PLAGL1: variants seen among roughly 807,000 people sequenced by gnomAD.
PLAGL1 encodes the protein zinc finger protein PLAGL1.
A neutral mutation model predicts 4.6 loss-of-function variants in PLAGL1; 1 was observed. That is an observed-to-expected ratio of 0.22 (90% CI 0.08 to 1.03). The LOEUF (loss-of-function observed/expected upper bound fraction) is 1.03, where lower values mean the gene tolerates loss of function less well. Ranked by LOEUF, PLAGL1 falls within the 50% of genes least tolerant of loss-of-function variation. The pLI is 0.58. For synonymous variants in PLAGL1, 240 were observed against 237.8 expected, an observed-to-expected ratio of 1.01 and a Z score of -0.08; for missense variants, 464 against 570.4, an observed-to-expected ratio of 0.81 and a Z score of 1.90.
At position 143,961,006 on chromosome 6, in the gene PLAGL1, A is replaced by C. The variant is rs1342917851; in HGVS notation, c.-398-464T>G. 1.3e-5 allele frequency: 2 copies of C among 152,252 alleles called. No individual in the cohort carries two copies. The highest frequency in any genetic ancestry group is 2.9e-5 in the Non-Finnish European group (2 of 68,044). 9.4% of individuals were successfully genotyped at this position (152,252 alleles called of 1,614,324 possible). On this transcript the variant is annotated intron_variant, in intron 5 of 7. Transcript: ENST00000674357. This position sits in a 1 kb window ranked among gnomAD's most constrained non-coding sequence, Gnocchi z 6.5. ...CAAAGATTTATCAAATTTGCAGTGC[A>C]AGAAGGTTGAAGTCTCTAAGTTGAA...
rs954676421 is a variant in PLAGL1 at position 143,957,862 on chromosome 6, C to T, written c.-325+2607G>A. 1.6e-4 allele frequency among the ~76,000 whole-genome samples: 25 copies of T among 152,194 alleles called. No homozygotes were observed. Among genetic ancestry groups the T allele is most frequent in the African/African-American group, 6.0e-4 (25 of 41,454 alleles). On this transcript the variant is annotated intron_variant, in intron 6 of 7. Transcript: ENST00000674357. This position sits in a 1 kb window ranked among gnomAD's most constrained non-coding sequence, Gnocchi z 4.2. Reference sequence around the variant, plus strand: ...AGATAACTACATGGGAGCAGGGTATCTTGACACTGGATTTATAGATGACCT... The same window carrying T: ...AGATAACTACATGGGAGCAGGGTATTTTGACACTGGATTTATAGATGACCT...
At chr6:143,976,957 C>T (rs1416582080) in intron 2 of PLAGL1, among the ~76,000 whole-genome samples, 4 of 152,148 alleles carry the variant, frequency 2.6e-5, no homozygotes, top group Non-Finnish European at 5.9e-5. Flanking sequence ...AATATGGTTT[C>T]ATTTTCATTC....
At position 143,995,011 on chromosome 6, in the gene PLAGL1, G is replaced by C. The variant is rs1226334269; in HGVS notation, c.-583-9837C>G. On this transcript the variant is annotated intron_variant, in intron 1 of 7. Coordinates refer to ENST00000674357, the MANE Select transcript of PLAGL1 (RefSeq NM_001317162.2). This position sits in a 1 kb window ranked among gnomAD's most constrained non-coding sequence, Gnocchi z 4.4. ...CAATAAGATAGAACCATCACAAAGA[G>C]CAGGCACCCTGTGCTCAGAATCCAA... Among the ~76,000 whole-genome samples, 1 of 152,098 alleles carries C rather than the reference G, an allele frequency of 6.6e-6. No homozygotes were observed. Among genetic ancestry groups the C allele is most frequent in the Non-Finnish European group, 1.5e-5 (1 of 67,964 alleles).
chr6:143,949,871 G>A lies in PLAGL1; in HGVS notation c.-324-1411C>T, dbSNP rs973971231. On this transcript the variant is annotated intron_variant, in intron 6 of 7. Coordinates refer to ENST00000674357, the MANE Select transcript of PLAGL1 (RefSeq NM_001317162.2). The surrounding 1 kb of genome is among the most constrained non-coding windows in gnomAD (Gnocchi z 5.3). ...AAGTTAATTTTTACTTACCTTTTTG[G>A]TTACTTTCAGATCAGAAAGTATGAG... 3.3e-5 allele frequency among the ~76,000 whole-genome samples: 5 copies of A among 151,966 alleles called. No homozygotes were observed. Among genetic ancestry groups the A allele is most frequent in the African/African-American group, 1.2e-4 (5 of 41,362 alleles).
rs1357969592 is a variant in PLAGL1 at position 143,990,946 on chromosome 6, C to A, written c.-583-5772G>T. On this transcript the variant is annotated intron_variant, in intron 1 of 7. Coordinates refer to ENST00000674357, the MANE Select transcript of PLAGL1 (RefSeq NM_001317162.2). This position sits in a 1 kb window ranked among gnomAD's most constrained non-coding sequence, Gnocchi z 5.4. Reference sequence around the variant, plus strand: ...CTTGGTGTCAATTATTTAATTGTTCCAACCACATGAGAATAGGTGGCTTTA... The same window carrying A: ...CTTGGTGTCAATTATTTAATTGTTCAAACCACATGAGAATAGGTGGCTTTA... Among the ~76,000 whole-genome samples, 1 of 152,180 alleles carries A rather than the reference C, an allele frequency of 6.6e-6. No individual in the cohort carries two copies. The highest frequency in any genetic ancestry group is 1.5e-5 in the Non-Finnish European group (1 of 68,032).
At position 144,039,369 on chromosome 6, in the gene PLAGL1, G is replaced by T. The variant is rs1797539189; in HGVS notation, c.-151+25099C>A. On this transcript the variant is annotated intron_variant, in intron 1 of 3. Coordinates refer to the PLAGL1 transcript ENST00000437412. This position sits in a 1 kb window ranked among gnomAD's most constrained non-coding sequence, Gnocchi z 4.1. ...GGAGGCAGAAGTGGGTGGATCATTAGAGGCCCAAAGTTTGAAACCAGTCTG... is the reference window on the plus strand; with the variant it reads ...GGAGGCAGAAGTGGGTGGATCATTATAGGCCCAAAGTTTGAAACCAGTCTG... 6.6e-6 allele frequency among the ~76,000 whole-genome samples: 1 copy of T among 152,122 alleles called. No individual in the cohort carries two copies. The highest frequency in any genetic ancestry group is 2.4e-5 in the African/African-American group (1 of 41,410).
intron 1 of PLAGL1, among the ~76,000 whole-genome samples, chr6:144,058,824 C>T (rs962213154): frequency 2.0e-5 from 3 of 152,178 alleles, no homozygotes; most frequent in Non-Finnish European, 2.9e-5. Context: ...CCTTAGGAAG[C>T]TCTGCCCCTG....
In PLAGL1 at chr6:144,062,963, G is replaced by C. The variant is rs528835496; in HGVS notation, c.-151+1505C>G. Among the ~76,000 whole-genome samples the C allele has an allele frequency of 2.0e-5, 3 of 152,298 alleles. 1 individual carries two copies. In the South Asian group the frequency reaches 6.2e-4, roughly 32 times the overall value. Reference sequence around the variant, plus strand: ...CTTTGGTTCTTGAGAAGAGGAAGCAGAAATGGTGCCTTTTTCAAACCATCC... The same window carrying C: ...CTTTGGTTCTTGAGAAGAGGAAGCACAAATGGTGCCTTTTTCAAACCATCC... On this transcript the variant is annotated intron_variant, in intron 1 of 3. Coordinates refer to the PLAGL1 transcript ENST00000437412.
rs139660318 is a variant in PLAGL1, at chr6:144,039,493, C to T, written c.-151+24975G>A. On this transcript the variant is annotated intron_variant, in intron 1 of 3. Transcript: ENST00000437412. This position sits in a 1 kb window ranked among gnomAD's most constrained non-coding sequence, Gnocchi z 4.1. Reference sequence around the variant, plus strand: ...CCCAGCTACTCAAGAGGCTGAGACACGAGAATTGCTTGAACCTGGGAGGTG... The same window carrying T: ...CCCAGCTACTCAAGAGGCTGAGACATGAGAATTGCTTGAACCTGGGAGGTG... Among the ~76,000 whole-genome samples, 1,554 of 152,108 alleles carry T rather than the reference C, an allele frequency of 0.01. 14 individuals carry two copies. Among genetic ancestry groups the T allele is most frequent in the Middle Eastern group, 0.027 (8 of 294 alleles).
rs751187671 is a variant in PLAGL1 at position 143,942,130 on chromosome 6, G to A, written c.686C>T (p.Ser229Leu). ...GDLLSTFHTI[S>L]PSFQLKAAAL... ...AGCAGCCTTCAGTTGGAATGAAGGC[G>A]AGATGGTGTGGAAGGTGCTCAGAAG... The change falls in exon 8 of 8, where the codon TCG becomes TTG. Residue 229 changes from serine (S) to leucine (L), a missense_variant. Coordinates refer to ENST00000674357, the MANE Select transcript of PLAGL1 (RefSeq NM_001317162.2). This position sits in a 1 kb window ranked among gnomAD's most constrained non-coding sequence, Gnocchi z 7.6. The A allele has an allele frequency of 1.9e-6, 3 of 1,614,028 alleles. No individual in the cohort carries two copies. Among genetic ancestry groups the A allele is most frequent in the Admixed American group, 1.7e-5 (1 of 60,024 alleles).
chr6:143,977,083 T>TACCC (rs1786724243), intron 2 of PLAGL1, among the ~76,000 whole-genome samples: 1 of 136,918 alleles, frequency 7.3e-6, no homozygotes, highest in Non-Finnish European at 1.6e-5. Context: ...TATACTCCCT[T>TACCC]CCCCCCCCCC....
chr6:144,040,672 T>C (rs903412841), intron 1 of PLAGL1, among the ~76,000 whole-genome samples: 1 of 151,774 alleles, frequency 6.6e-6, no homozygotes, highest in African/African-American at 2.4e-5. Flanking sequence ...AGGCCAGGAG[T>C]TCGAGACCAG....
rs1354287905 is a variant in PLAGL1, at chr6:144,004,562, G to A, written c.-584+3528C>T. Among the ~76,000 whole-genome samples, 4 of 152,142 alleles carry A rather than the reference G, an allele frequency of 2.6e-5. No individual in the cohort carries two copies. The highest frequency in any genetic ancestry group is 9.7e-5 in the African/African-American group (4 of 41,414). ...AAATAATACATGGTCATAGAAATCG[G>A]GACAGTAGTTGACTGGGGGAAGCGA... On this transcript the variant is annotated intron_variant, in intron 1 of 7. Transcript: ENST00000674357. The surrounding 1 kb of genome is among the most constrained non-coding windows in gnomAD (Gnocchi z 4.2).
At position 143,941,903 on chromosome 6, in the gene PLAGL1, T is replaced by A; in HGVS notation, c.913A>T (p.Thr305Ser). The A allele has an allele frequency of 6.2e-7, 1 of 1,612,932 alleles. No individual in the cohort carries two copies. Among genetic ancestry groups the A allele is most frequent in the Non-Finnish European group, 8.5e-7 (1 of 1,179,384 alleles). Residue 305 changes from threonine (T) to serine (S), a missense_variant, in exon 8 of 8, where the codon ACC (threonine) becomes TCC (serine). Thr to Ser is a moderately conservative substitution (Grantham distance 58). Transcript: ENST00000674357. The surrounding 1 kb of genome is among the most constrained non-coding windows in gnomAD (Gnocchi z 6.0). ...AGTGGGGAGTATGAGGTAGAAGTGG[T>A]GTTGTACTTGTGATTGGGAAGGGGT... ...PPPLPNHKYNTTSTSYSPLAS... is the reference protein window; with the variant it reads ...PPPLPNHKYNSTSTSYSPLAS...
rs567533970 is a variant in PLAGL1 at position 143,949,498 on chromosome 6, C to T, written c.-324-1038G>A. 6.6e-6 allele frequency among the ~76,000 whole-genome samples: 1 copy of T among 152,188 alleles called. No homozygotes were observed. Among genetic ancestry groups the T allele is most frequent in the East Asian group, 1.9e-4 (1 of 5,196 alleles). The stretch of plus-strand genomic sequence containing the variant: ...ACTCTCAGGACCTGGACCAACCCCC[C>T]ACATTTCATCCCTGGACTCTGACAG... On this transcript the variant is annotated intron_variant, in intron 6 of 7. Coordinates refer to ENST00000674357, the MANE Select transcript of PLAGL1 (RefSeq NM_001317162.2). This position sits in a 1 kb window ranked among gnomAD's most constrained non-coding sequence, Gnocchi z 5.3.
chr6:143,953,280 GCT>G lies in PLAGL1; in HGVS notation c.-324-4822_-324-4821del, dbSNP rs929613768. On this transcript the variant is annotated intron_variant, in intron 6 of 7. Transcript: ENST00000674357. This position sits in a 1 kb window ranked among gnomAD's most constrained non-coding sequence, Gnocchi z 5.3. The stretch of plus-strand genomic sequence containing the variant: ...GAAGCACTACCTGCCCTTCTATTCT[GCT>G]CTGAGAGAGCCACCTGCTGAGCCAT... Among the ~76,000 whole-genome samples the G allele has an allele frequency of 1.3e-5, 2 of 152,296 alleles. No homozygotes were observed. Among genetic ancestry groups the G allele is most frequent in the South Asian group, 2.1e-4 (1 of 4,822 alleles).
At position 143,952,016 on chromosome 6, in the gene PLAGL1, TATA is replaced by T. The variant is rs3831814; in HGVS notation, c.-324-3559_-324-3557del. 7.8e-3 allele frequency among the ~76,000 whole-genome samples: 1,189 copies of T among 152,314 alleles called. 66 individuals are homozygous for T. The East Asian group carries it at 0.14, about 18-fold the overall frequency. On this transcript the variant is annotated intron_variant, in intron 6 of 7. Coordinates refer to ENST00000674357, the MANE Select transcript of PLAGL1 (RefSeq NM_001317162.2). The surrounding 1 kb of genome is among the most constrained non-coding windows in gnomAD (Gnocchi z 6.1). The stretch of plus-strand genomic sequence containing the variant: ...AGAATACAAATATTTGTTTTCATGA[TATA>T]ATAATAAACTTCTGTAAAAACAAGA...
rs937218844 is a variant in PLAGL1, at chr6:144,000,647, C to T, written c.-584+7443G>A. ...AGGACTTTTCAAGAAACTTCATAAA[C>T]AGGTACTAAAACTCATATGGAATGG... On this transcript the variant is annotated intron_variant, in intron 1 of 7. Coordinates refer to ENST00000674357, the MANE Select transcript of PLAGL1 (RefSeq NM_001317162.2). This position sits in a 1 kb window ranked among gnomAD's most constrained non-coding sequence, Gnocchi z 4.1. Among the ~76,000 whole-genome samples the T allele has an allele frequency of 2.0e-5, 3 of 152,024 alleles. No individual in the cohort carries two copies. The highest frequency in any genetic ancestry group is 7.2e-5 in the African/African-American group (3 of 41,428).
In PLAGL1 at chr6:143,989,695, T is replaced by C. The variant is rs979432501; in HGVS notation, c.-583-4521A>G. Among the ~76,000 whole-genome samples the C allele has an allele frequency of 1.3e-5, 2 of 152,180 alleles. No homozygotes were observed. Among genetic ancestry groups the C allele is most frequent in the Non-Finnish European group, 2.9e-5 (2 of 68,030 alleles). On this transcript the variant is annotated intron_variant, in intron 1 of 7. Transcript: ENST00000674357. This position sits in a 1 kb window ranked among gnomAD's most constrained non-coding sequence, Gnocchi z 4.8. Reference sequence around the variant, plus strand: ...GTCAATTCTTTGTAATCAATCTCTCTTTCTCTCTCCATATATGTATCCATG... The same window carrying C: ...GTCAATTCTTTGTAATCAATCTCTCCTTCTCTCTCCATATATGTATCCATG...
Sources: gnomAD v4.1 joint callset for allele counts (sites outside exome capture counted in the v4.1 genomes callset) on GRCh38, gnomAD v4.1.1 for gene constraint, Gnocchi (gnomAD v3.1) non-coding constraint, MANE v1.5 for transcripts, NCBI Gene and HGNC (gene_info 2026-07-23, HGNC 2026-07-21) for gene names.